REPS2: variants seen among roughly 807,000 people sequenced by gnomAD.
The protein encoded by REPS2 is RALBP1 associated Eps domain containing 2, also known as ralBP1-associated Eps domain-containing protein 2.
A neutral mutation model predicts 53.6 loss-of-function variants in REPS2; 23 were observed. That is an observed-to-expected ratio of 0.43 (90% CI 0.31 to 0.61). The LOEUF is 0.61. Ranked by LOEUF, REPS2 falls within the 20% of genes least tolerant of loss-of-function variation. REPS2 has a pLI of 0.11. For synonymous variants in REPS2, 238 were observed against 218.6 expected, an observed-to-expected ratio of 1.09 and a Z score of -0.78; for missense variants, 446 against 534.9, an observed-to-expected ratio of 0.83 and a Z score of 1.64.
chrX:16,968,829 C>A (rs1422779797), intron 1 of REPS2, among the ~76,000 whole-genome samples: 10 of 98,209 alleles, frequency 1.0e-4, no homozygotes, highest in Middle Eastern at 6.5e-3. Flanking sequence ...GGGGGCTGAC[C>A]CCCCCACCTC....
intron 14 of REPS2, among the ~76,000 whole-genome samples, chrX:17,119,870 T>TG (rs2063117727): frequency 5.1e-5 from 2 of 38,857 alleles, no homozygotes; most frequent in Non-Finnish European, 4.5e-5. Context: ...CACTGTGACT[T>TG]TTTTTTTTTT....
chrX:17,029,159 A>G (rs1426900454), intron 4 of REPS2, among the ~76,000 whole-genome samples: 1 of 111,896 alleles, frequency 8.9e-6, no homozygotes, highest in African/African-American at 3.2e-5. Context: ...TCAATGGAAG[A>G]CATTTACTTA....
intron 1 of REPS2, among the ~76,000 whole-genome samples, chrX:16,957,255 C>CA (rs1004077531): frequency 7.2e-5 from 8 of 110,430 alleles, no homozygotes; most frequent in African/African-American, 2.6e-4. Flanking sequence ...ACAAAAAATA[C>CA]AAAAATCAGC....
chrX:17,087,962 A>G (rs1303785761), intron 13 of REPS2, among the ~76,000 whole-genome samples: 1 of 109,199 alleles, frequency 9.2e-6, no homozygotes. Flanking sequence ...AGATAGATAG[A>G]TAGATAGATA....
At chrX:17,066,625 G>A (rs2062228964) in intron 9 of REPS2, among the ~76,000 whole-genome samples, 1 of 112,338 alleles carries the variant, frequency 8.9e-6, no homozygotes, top group African/African-American at 3.2e-5. Context: ...GTAAATCCCA[G>A]CACTATGTGA....
At chrX:17,138,034 T>C (rs1331749571) in intron 16 of REPS2, 1 of 112,661 alleles carries the variant, frequency 8.9e-6, no homozygotes, top group Non-Finnish European at 1.9e-5. Flanking sequence ...TCAGTTGCTC[T>C]TTTGCTCTAA....
intron 2 of REPS2, among the ~76,000 whole-genome samples, chrX:17,013,146 C>T (rs113159428): frequency 8.9e-6 from 1 of 112,218 alleles, no homozygotes; most frequent in African/African-American, 3.2e-5. Context: ...CGGTAGAGGC[C>T]AGGGATGCTG....
At chrX:17,100,616 C>T (rs2062778297) in intron 13 of REPS2, among the ~76,000 whole-genome samples, 2 of 112,517 alleles carry the variant, frequency 1.8e-5, no homozygotes, top group South Asian at 7.3e-4. Flanking sequence ...AACACCATAC[C>T]TTATGGTGAG....
At chrX:17,177,576 A>G in the REPS2 span, among the ~76,000 whole-genome samples, 1 of 111,600 alleles carries the variant, frequency 9.0e-6, no homozygotes, top group Non-Finnish European at 1.9e-5. Context: ...CTGTCATCAG[A>G]TGGTGTATGC....
At chrX:17,066,041 C>T (rs2062220852) in intron 9 of REPS2, among the ~76,000 whole-genome samples, 1 of 111,637 alleles carries the variant, frequency 9.0e-6, no homozygotes, top group African/African-American at 3.3e-5. Flanking sequence ...TTTTTTTCCC[C>T]ATTGAATTGT....
At chrX:17,011,974 A>C (rs2061435293) in intron 2 of REPS2, among the ~76,000 whole-genome samples, 1 of 109,950 alleles carries the variant, frequency 9.1e-6, no homozygotes, top group Non-Finnish European at 1.9e-5. Flanking sequence ...AAAAAAAAAA[A>C]AAAACCAACC....
chrX:17,114,721 T>C (rs192959058), intron 14 of REPS2, among the ~76,000 whole-genome samples: 63 of 112,495 alleles, frequency 5.6e-4, no homozygotes, highest in African/African-American at 2.0e-3. Flanking sequence ...ACTCTAGCAA[T>C]TGTGAGGTTC....
intron 14 of REPS2, among the ~76,000 whole-genome samples, chrX:17,113,481 G>GT (rs959711538): frequency 1.8e-5 from 2 of 110,646 alleles, no homozygotes; most frequent in Non-Finnish European, 3.8e-5. Flanking sequence ...ACCTTTTACT[G>GT]TATGTTCCCT....
In REPS2 at chrX:16,993,218, G is replaced by A. The variant is rs1341450790; in HGVS notation, c.274-13003G>A. ...ATAGTGGTGAGAGTACAGATTCTAGGTATATGCAATTCTAATAAATGAGAC... is the reference window on the plus strand; with the variant it reads ...ATAGTGGTGAGAGTACAGATTCTAGATATATGCAATTCTAATAAATGAGAC... On this transcript the variant is annotated intron_variant, in intron 1 of 17. Coordinates refer to ENST00000357277, the MANE Select transcript of REPS2 (RefSeq NM_004726.3). Among the ~76,000 whole-genome samples, 2 of 112,035 alleles carry A rather than the reference G, an allele frequency of 1.8e-5. 1 individual carries two copies. The highest frequency in any genetic ancestry group is 5.6e-4 in the East Asian group (2 of 3,602).
chrX:17,093,004 G>T (rs1281975868), intron 13 of REPS2, among the ~76,000 whole-genome samples: 1 of 102,818 alleles, frequency 9.7e-6, no homozygotes, highest in Admixed American at 1.1e-4. Context: ...ATAAGGCAGT[G>T]TGTTTAGGTG....
chrX:16,961,738 T>C (rs2060664196), intron 1 of REPS2, among the ~76,000 whole-genome samples: 1 of 111,993 alleles, frequency 8.9e-6, no homozygotes. Flanking sequence ...TTGCGACCCA[T>C]ATATATGATA....
Position 17,135,383 on chromosome X carries a change from GA to G in REPS2, c.1788del (p.Lys596AsnfsTer34). 1 of 1,210,601 alleles carries G rather than the reference GA, an allele frequency of 8.3e-7. No homozygotes were observed. The highest frequency in any genetic ancestry group is 1.1e-6 in the Non-Finnish European group (1 of 895,243). ...ASGPASAATM[K>X]PHPTVQKQSS... The stretch of plus-strand genomic sequence containing the variant: ...GTGGGCCAGCTTCTGCGGCAACCAT[GA>G]AACCGCATCCAACAGTCCAAAAGTA... On this transcript the variant is annotated frameshift_variant, in exon 16 of 18. Transcript: ENST00000357277. LOFTEE classifies it high-confidence loss of function.
chrX:17,121,807 G>C lies in REPS2; in HGVS notation c.1579-12017G>C, dbSNP rs751142182. Among the ~76,000 whole-genome samples, 20 of 111,500 alleles carry C rather than the reference G, an allele frequency of 1.8e-4. 1 individual carries two copies. In the South Asian group the frequency reaches 7.2e-3, roughly 40 times the overall value. On this transcript the variant is annotated intron_variant, in intron 14 of 17. Coordinates refer to ENST00000357277, the MANE Select transcript of REPS2 (RefSeq NM_004726.3). Reference sequence around the variant, plus strand: ...GCTCACTGCAACCTCCGCTTCCCGGGTTCAAGCAATTTAGCTCACTGCAAC... The same window carrying C: ...GCTCACTGCAACCTCCGCTTCCCGGCTTCAAGCAATTTAGCTCACTGCAAC...
rs953740067 is a variant in REPS2 at position 17,048,654 on chromosome X, C to T, written c.907+1172C>T. Among the ~76,000 whole-genome samples, 14 of 111,744 alleles carry T rather than the reference C, an allele frequency of 1.3e-4. No homozygotes were observed. The South Asian group carries it at 2.3e-3, about 18-fold the overall frequency. The stretch of plus-strand genomic sequence containing the variant: ...GGTTGTTTCAGTCAGTCAATGATGG[C>T]GGTACCATAACAGTATCACGGAGCT... On this transcript the variant is annotated intron_variant, in intron 6 of 17. Transcript: ENST00000357277.
Sources: gnomAD v4.1 joint callset for allele counts (sites outside exome capture counted in the v4.1 genomes callset) on GRCh38, gnomAD v4.1.1 for gene constraint, MANE v1.5 for transcripts, NCBI Gene and HGNC (gene_info 2026-07-23, HGNC 2026-07-21) for gene names.